BOP1: variants seen among roughly 807,000 people sequenced by gnomAD.
BOP1 encodes BOP1 ribosomal biogenesis factor.
A neutral mutation model predicts 82.9 loss-of-function variants in BOP1; 54 were observed. The ratio of observed to expected loss-of-function variants is 0.65; its 90% confidence interval spans 0.52 to 0.82. BOP1 has a LOEUF of 0.82. BOP1 is among the 40% of genes least tolerant of loss of function. BOP1 has a pLI of 0.00. For missense variants in BOP1, 1,170 were observed against 1,072.0 expected (o/e 1.09, Z -1.28); for synonymous variants, 566 against 451.1 (o/e 1.25, Z -3.23).
intron 3 of BOP1, among the ~76,000 whole-genome samples, chr8:144,275,017 T>C (rs983396830): frequency 2.6e-5 from 4 of 152,028 alleles, no homozygotes; most frequent in Middle Eastern, 3.2e-3. Context: ...TTTGTCTCTG[T>C]TCTCTGAACG....
chr8:144,267,206 G>A (rs915435614), intron 3 of BOP1: 2 of 1,492,704 alleles, frequency 1.3e-6, no homozygotes, highest in Non-Finnish European at 1.8e-6. Flanking sequence ...GGGGCGCCGA[G>A]GGGGGCCTCC....
Position 144,290,993 on chromosome 8 carries a change from G to A in BOP1, c.99+279C>T, listed in dbSNP as rs369415077. Among the ~76,000 whole-genome samples, 8 of 152,326 alleles carry A rather than the reference G, an allele frequency of 5.3e-5. No homozygotes were observed. The South Asian group carries it at 1.0e-3, about 20-fold the overall frequency. ...GGAGCGCAAGCCGAGCCCTTTTATT[G>A]GCAGGATGCACAAATGGAACGGCTG... is the stretch of plus-strand genomic sequence containing the variant. On this transcript the variant is annotated intron_variant, in intron 1 of 15. Transcript: ENST00000569669.
Position 144,289,271 on chromosome 8 carries a change from T to C in BOP1, c.133A>G (p.Ser45Gly). The C allele has an allele frequency of 6.2e-7, 1 of 1,614,112 alleles. No homozygotes were observed. Among genetic ancestry groups the C allele is most frequent in the Non-Finnish European group, 8.5e-7 (1 of 1,180,026 alleles). The change falls in exon 2 of 16, where the codon AGC becomes GGC. Residue 45 changes from serine to glycine, a missense_variant. Transcript: ENST00000569669. ...GAGACGCCAGAATCGCTGCCGGTGC[T>C]GTGGCTGAGAGGAGAGGTGCAGAGG... ...PLLCTSPLSH[S>G]TGSDSGVSDS...
intron 3 of BOP1, 111 bp from the exon 4 acceptor site, chr8:144,265,182 C>CT (rs1260091028): frequency 3.1e-6 from 4 of 1,304,690 alleles, no homozygotes; most frequent in Non-Finnish European, 4.3e-6. Context: ...GGCCCAGCCT[C>CT]AAGTGCCCTG....
Position 144,263,081 on chromosome 8 carries a change from G to T in BOP1, c.1666C>A (p.Gln556Lys). ...GDYLAVVLATQGHTQVLIHQL... is the reference protein window; with the variant it reads ...GDYLAVVLATKGHTQVLIHQL... ...TGAATCAGCACCTGGGTGTGGCCTTGGGTGGCCAGCACCACGGCCAGGTAG... is the reference window on the plus strand; with the variant it reads ...TGAATCAGCACCTGGGTGTGGCCTTTGGTGGCCAGCACCACGGCCAGGTAG... Residue 556 changes from glutamine to lysine, a missense_variant, in exon 13 of 16, where the codon CAA becomes AAA. Gln to Lys is a moderately conservative substitution (Grantham distance 53, BLOSUM62 1). Coordinates refer to ENST00000569669, the MANE Select transcript of BOP1 (RefSeq NM_015201.5). 6.3e-7 allele frequency: 1 copy of T among 1,590,238 alleles called. No homozygotes were observed.
chr8:144,277,173 C>G (rs1256874036), intron 2 of BOP1, among the ~76,000 whole-genome samples: 2 of 152,050 alleles, frequency 1.3e-5, no homozygotes, highest in African/African-American at 2.4e-5. Context: ...GCCCCCACCC[C>G]GAGCCCCTCT....
At chr8:144,285,538 C>T (rs1198138797) in intron 2 of BOP1, among the ~76,000 whole-genome samples, 1 of 152,248 alleles carries the variant, frequency 6.6e-6, no homozygotes, top group African/African-American at 2.4e-5. Flanking sequence ...AGTAACCCAC[C>T]GAGGCCCATG....
intron 3 of BOP1, among the ~76,000 whole-genome samples, chr8:144,275,474 AGCCC>A (rs1845555479): frequency 3.7e-4 from 21 of 57,486 alleles, no homozygotes; most frequent in East Asian, 1.8e-3. Flanking sequence ...ACGCTGGCGG[AGCCC>A]AGCCCGGTGC....
At chr8:144,282,181 G>A (rs1289073534) in intron 2 of BOP1, among the ~76,000 whole-genome samples, 10 of 152,254 alleles carry the variant, frequency 6.6e-5, no homozygotes, top group African/African-American at 2.4e-4. Flanking sequence ...AGGCCGGCAG[G>A]AGGCAGCTTC....
intron 3 of BOP1, among the ~76,000 whole-genome samples, chr8:144,271,185 C>T (rs902652785): frequency 3.3e-5 from 5 of 152,108 alleles, no homozygotes; most frequent in Middle Eastern, 3.2e-3. Flanking sequence ...GGACACAGGC[C>T]GCAACCGGCT....
In BOP1 at chr8:144,263,458, C is replaced by T. The variant is rs1438274410; in HGVS notation, c.1424+20G>A. On this transcript the variant is annotated intron_variant, in intron 11 of 15. Transcript: ENST00000569669. ...CACAGTGCCACCCCTGGCTCCCCAG[C>T]CCCCAGGGCCTCCACTTACACGGCT... The T allele has an allele frequency of 1.5e-5, 24 of 1,597,824 alleles. No homozygotes were observed. Among genetic ancestry groups the T allele is most frequent in the Non-Finnish European group, 1.9e-5 (22 of 1,179,668 alleles).
At chr8:144,277,920 A>C (rs1198715312) in intron 2 of BOP1, among the ~76,000 whole-genome samples, 1 of 108,796 alleles carries the variant, frequency 9.2e-6, no homozygotes, top group Admixed American at 1.1e-4. Context: ...TTTTAACTTA[A>C]AAATTAGAGG....
chr8:144,280,000 G>A (rs1211474690), intron 2 of BOP1, among the ~76,000 whole-genome samples: 1 of 152,178 alleles, frequency 6.6e-6, no homozygotes, highest in African/African-American at 2.4e-5. Flanking sequence ...GAACCCTCTG[G>A]GGCTCCCCGG....
At chr8:144,275,474 AGCCCAGCCCGGTGCCAGCCTCTCCACG>A (rs1845555514) in intron 3 of BOP1, among the ~76,000 whole-genome samples, 3 of 57,412 alleles carry the variant, frequency 5.2e-5, no homozygotes, top group Non-Finnish European at 8.1e-5. Flanking sequence ...ACGCTGGCGG[AGCCCAGCCCGGTGCCAGCCTCTCCACG>A]CTGGCGGAGC....
intron 2 of BOP1, among the ~76,000 whole-genome samples, chr8:144,276,562 TGACACGGGTGTCAGGCTA>T (rs1245605166): frequency 6.6e-6 from 1 of 152,142 alleles, no homozygotes; most frequent in Non-Finnish European, 1.5e-5. Context: ...GTCCCTGGGC[TGACACGGGTGTCAGGCTA>T]GACACGGAAG....
chr8:144,286,824 C>T (rs1382386701), intron 2 of BOP1, among the ~76,000 whole-genome samples: 16 of 152,194 alleles, frequency 1.1e-4, no homozygotes, highest in Non-Finnish European at 2.1e-4. Flanking sequence ...CTGCATGGGG[C>T]AGCCAGTTAC....
At position 144,262,680 on chromosome 8, in the gene BOP1, C is replaced by G; in HGVS notation, c.1895-8G>C. 3 of 1,613,188 alleles carry G rather than the reference C, an allele frequency of 1.9e-6. No homozygotes were observed. Among genetic ancestry groups the G allele is most frequent in the Non-Finnish European group, 2.5e-6 (3 of 1,179,770 alleles). On this transcript the variant is annotated splice_polypyrimidine_tract_variant and splice_region_variant and intron_variant, in intron 13 of 15. Coordinates refer to ENST00000569669, the MANE Select transcript of BOP1 (RefSeq NM_015201.5). ...CACAGATGACGTTGTCACCTAGGGCCAAAGGCTGTGATGCAGGTGTTCCCG... is the reference window on the plus strand; with the variant it reads ...CACAGATGACGTTGTCACCTAGGGCGAAAGGCTGTGATGCAGGTGTTCCCG...
intron 3 of BOP1, among the ~76,000 whole-genome samples, chr8:144,272,418 C>G (rs1845505937): frequency 6.6e-6 from 1 of 152,162 alleles, no homozygotes; most frequent in African/African-American, 2.4e-5. Flanking sequence ...CCAGACCCAG[C>G]TCTCCCCAGC....
chr8:144,290,130 G>A (rs1002423191), intron 1 of BOP1, among the ~76,000 whole-genome samples: 3 of 152,106 alleles, frequency 2.0e-5, no homozygotes, highest in Admixed American at 6.6e-5. Flanking sequence ...AGGCTGAGGC[G>A]GGTGGATCAC....
Sources: gnomAD v4.1 joint callset for allele counts (sites outside exome capture counted in the v4.1 genomes callset) on GRCh38, gnomAD v4.1.1 for gene constraint, MANE v1.5 for transcripts, NCBI Gene and HGNC (gene_info 2026-07-23, HGNC 2026-07-21) for gene names.